DYNLRB1: variants seen among roughly 807,000 people sequenced by gnomAD.
DYNLRB1 encodes the protein ROBL/LC7-like 1.
A neutral mutation model predicts 13.5 loss-of-function variants in DYNLRB1; 6 were observed. The ratio of observed to expected loss-of-function variants is 0.44; its 90% CI spans 0.24 to 0.88. The LOEUF (loss-of-function observed/expected upper bound fraction) is 0.88. Among genes scored for constraint, DYNLRB1 ranks in the 40% least tolerant of loss-of-function variants. DYNLRB1 has a pLI of 0.21. For missense variants in DYNLRB1, 93 were observed against 127.2 expected (o/e 0.73, Z 1.29); for synonymous variants, 43 against 45.0 (o/e 0.96, Z 0.18).
chr20:34,519,645 T>TA (rs1979552115), intron 1 of DYNLRB1, among the ~76,000 whole-genome samples: 1 of 152,258 alleles, frequency 6.6e-6, no homozygotes, highest in Non-Finnish European at 1.5e-5. Context: ...TTAAGGTCTG[T>TA]ATCGTATCCT....
chr20:34,516,482 T>C (rs1418870900), intron 1 of DYNLRB1, 21 bp downstream of exon 1: 2 of 1,612,056 alleles, frequency 1.2e-6, no homozygotes, highest in South Asian at 1.1e-5. Context: ...GCCGGGGTCT[T>C]GTGGCTGGCG....
intron 2 of DYNLRB1, among the ~76,000 whole-genome samples, chr20:34,532,160 A>G (rs1980763948): frequency 6.6e-6 from 1 of 152,000 alleles, no homozygotes; most frequent in Admixed American, 6.5e-5. Context: ...ACATCCCTTC[A>G]GATGAATGGA....
Position 34,516,993 on chromosome 20 carries a change from G to T in DYNLRB1, c.3+532G>T, listed in dbSNP as rs1037225357. 10 of 1,263,942 alleles carry T rather than the reference G, an allele frequency of 7.9e-6. No homozygotes were observed. The African/African-American group carries it at 1.2e-4, about 16-fold the overall frequency. 78.3% of individuals were successfully genotyped at this position (1,263,942 alleles called of 1,614,324 possible). ...TGGATTTGAACCCTAGAAGCTTGAC[G>T]GCCGCCACTCTGTCGGCGTGGTTCT... On this transcript the variant is annotated intron_variant, in intron 1 of 3. Transcript: ENST00000357156.
intron 2 of DYNLRB1, among the ~76,000 whole-genome samples, chr20:34,529,686 A>G (rs919169435): frequency 4.6e-5 from 7 of 150,860 alleles, no homozygotes; most frequent in African/African-American, 1.7e-4. Flanking sequence ...CCGAGATCAC[A>G]CCACTGCACT....
intron 2 of DYNLRB1, 191 bp downstream of exon 2, chr20:34,526,534 G>A (rs1004333993): frequency 3.2e-5 from 18 of 564,498 alleles, no homozygotes; most frequent in African/African-American, 2.7e-4. Context: ...GTGAAGCAGC[G>A]GGAGTGGAGA....
chr20:34,538,886 C>T (rs1454356415), intron 3 of DYNLRB1, among the ~76,000 whole-genome samples: 2 of 152,200 alleles, frequency 1.3e-5, no homozygotes, highest in Non-Finnish European at 2.9e-5. Flanking sequence ...ACCCAGGTCC[C>T]TGTCCCCACT....
At chr20:34,535,379 C>T (rs1981062260) in intron 3 of DYNLRB1, 1 of 984,306 alleles carries the variant, frequency 1.0e-6, no homozygotes, top group African/African-American at 1.7e-5. Flanking sequence ...GCTTTGTTTC[C>T]TTTACGCGAG....
chr20:34,535,773 C>T (rs1981095916), intron 3 of DYNLRB1: 1 of 985,164 alleles, frequency 1.0e-6, no homozygotes, highest in Non-Finnish European at 1.2e-6. Flanking sequence ...TAGAAGGGGC[C>T]ACAAACACCT....
chr20:34,530,451 T>C (rs545182383), intron 2 of DYNLRB1: 75 of 218,634 alleles, frequency 3.4e-4, no homozygotes, highest in Middle Eastern at 2.4e-3. Flanking sequence ...GAATAGTGCC[T>C]GGCATGAAAT....
intron 2 of DYNLRB1, chr20:34,530,693 C>T (rs1980644412): frequency 6.6e-6 from 1 of 152,236 alleles, no homozygotes; most frequent in Admixed American, 6.5e-5. Flanking sequence ...ACACTTCCCA[C>T]TGATCCATGG....
chr20:34,534,721 G>A lies in DYNLRB1; in HGVS notation c.173G>A (p.Arg58His), dbSNP rs1239756114. 11 of 1,613,590 alleles carry A rather than the reference G, an allele frequency of 6.8e-6. No homozygotes were observed. Among genetic ancestry groups the A allele is most frequent in the African/African-American group, 1.3e-5 (1 of 74,918 alleles). Residue 58 changes from arginine (R) to histidine (H), a missense_variant, in exon 3 of 4, where the codon CGT (arginine) becomes CAT (histidine). Arg to His is a conservative substitution (Grantham distance 29). Transcript: ENST00000357156. ...ATCCTGAAGGCACGGAGCACCGTGCGTGACATCGACCCCCAGAACGATCTC... is the reference window on the plus strand; with the variant it reads ...ATCCTGAAGGCACGGAGCACCGTGCATGACATCGACCCCCAGAACGATCTC... The part of the protein sequence containing the change: ...SFILKARSTV[R>H]DIDPQNDLTF...
intron 2 of DYNLRB1, chr20:34,529,822 G>A: frequency 4.7e-6 from 7 of 1,478,214 alleles, no homozygotes; most frequent in Non-Finnish European, 6.3e-6. Context: ...GTCTAGTTCT[G>A]ATTAAACCAT....
intron 1 of DYNLRB1, among the ~76,000 whole-genome samples, chr20:34,524,891 T>A (rs1456312619): frequency 6.6e-6 from 1 of 152,094 alleles, no homozygotes; most frequent in South Asian, 2.1e-4. Flanking sequence ...GCCCGGCTAA[T>A]TTTTTTTGTA....
chr20:34,521,804 T>C (rs2146617850), intron 1 of DYNLRB1, among the ~76,000 whole-genome samples: 1 of 152,272 alleles, frequency 6.6e-6, no homozygotes, highest in Non-Finnish European at 1.5e-5. Context: ...CCCAACAGTT[T>C]GGGAGGCCAA....
At chr20:34,525,771 C>T (rs1400813428) in intron 1 of DYNLRB1, among the ~76,000 whole-genome samples, 2 of 152,162 alleles carry the variant, frequency 1.3e-5, no homozygotes, top group Non-Finnish European at 2.9e-5. Context: ...TCCCAAGGCA[C>T]ACTTCTTACA....
rs1214422465 is a variant in DYNLRB1, at chr20:34,532,130, TG to T, written c.80-2497del. Among the ~76,000 whole-genome samples, 3 of 152,226 alleles carry T rather than the reference TG, an allele frequency of 2.0e-5. No homozygotes were observed. In the East Asian group the frequency reaches 5.8e-4, roughly 29 times the overall value. On this transcript the variant is annotated intron_variant, in intron 2 of 3. Coordinates refer to ENST00000357156, the MANE Select transcript of DYNLRB1 (RefSeq NM_014183.4). Reference sequence around the variant, plus strand: ...GTGGGCTGTGTTTTAGCAAGGCCCTTGCGGGTTTAAGCAATAGTCACATCCC... The same window carrying T: ...GTGGGCTGTGTTTTAGCAAGGCCCTTCGGGTTTAAGCAATAGTCACATCCC...
chr20:34,521,519 A>T (rs1330403591), intron 1 of DYNLRB1, among the ~76,000 whole-genome samples: 1 of 151,916 alleles, frequency 6.6e-6, no homozygotes, highest in Non-Finnish European at 1.5e-5. Flanking sequence ...TTATTCTTAT[A>T]CAGAAGTTTT....
intron 1 of DYNLRB1, among the ~76,000 whole-genome samples, chr20:34,519,912 T>C (rs1600538400): frequency 6.6e-6 from 1 of 152,340 alleles, no homozygotes; most frequent in Admixed American, 6.5e-5. Flanking sequence ...GGTGGGCAGA[T>C]CACTTGAGGT....
intron 1 of DYNLRB1, chr20:34,516,733 G>A (rs1197119632): frequency 1.9e-6 from 3 of 1,543,830 alleles, no homozygotes; most frequent in East Asian, 2.5e-5. Context: ...CGAGGGGTGG[G>A]CGGCGGCCCT....
Sources: gnomAD v4.1 joint callset for allele counts (sites outside exome capture counted in the v4.1 genomes callset) on GRCh38, gnomAD v4.1.1 for gene constraint, MANE v1.5 for transcripts, NCBI Gene and HGNC (gene_info 2026-07-23, HGNC 2026-07-21) for gene names.